Variants in SUGCT observed in about 807,000 individuals in gnomAD.
SUGCT encodes the protein succinyl-CoA:glutarate CoA-transferase.
A neutral mutation model predicts 55.0 loss-of-function variants in SUGCT; 41 were observed. That is an observed-to-expected ratio of 0.74 (90% CI 0.58 to 0.97). SUGCT has a LOEUF of 0.97. SUGCT is among the 50% of genes least tolerant of loss of function. The probability of loss-of-function intolerance (pLI) is 0.00; values close to 1 mark genes in which losing one functional copy is unlikely to be tolerated. For missense variants in SUGCT, 568 were observed against 547.8 expected (o/e 1.04, Z -0.37); for synonymous variants, 187 against 200.4 (o/e 0.93, Z 0.56).
the SUGCT span, among the ~76,000 whole-genome samples, chr7:40,958,929 G>A: frequency 6.6e-6 from 1 of 152,142 alleles, no homozygotes; most frequent in African/African-American, 2.4e-5. Flanking sequence ...CCCCTCTGCT[G>A]CAGGTCTGCT....
At chr7:40,436,896 C>G (rs1788206823) in intron 9 of SUGCT, among the ~76,000 whole-genome samples, 1 of 151,918 alleles carries the variant, frequency 6.6e-6, no homozygotes, top group Admixed American at 6.6e-5. Flanking sequence ...TCAATATGGT[C>G]TCTTGTCTAG....
intron 9 of SUGCT, among the ~76,000 whole-genome samples, chr7:40,320,739 C>T (rs1330541435): frequency 6.6e-6 from 1 of 151,752 alleles, no homozygotes; most frequent in African/African-American, 2.4e-5. Flanking sequence ...AATACACTCA[C>T]AAGGACAGGT....
At chr7:40,874,342 A>G in the SUGCT span, among the ~76,000 whole-genome samples, 12 of 152,232 alleles carry the variant, frequency 7.9e-5, no homozygotes, top group Admixed American at 7.2e-4. Context: ...CCTTTGAGAC[A>G]GTAGGGGCCT....
chr7:40,889,514 C>T, the SUGCT span, among the ~76,000 whole-genome samples: 4 of 152,266 alleles, frequency 2.6e-5, no homozygotes, highest in Admixed American at 2.6e-4. Context: ...GATCATGAGC[C>T]TTAGCTGTCT....
At chr7:40,317,429 A>C (rs988965317) in intron 9 of SUGCT, among the ~76,000 whole-genome samples, 1 of 152,198 alleles carries the variant, frequency 6.6e-6, no homozygotes, top group African/African-American at 2.4e-5. Context: ...TAAAATTTAA[A>C]ACAAAACCTA....
At chr7:40,333,363 G>A (rs1332822699) in intron 9 of SUGCT, among the ~76,000 whole-genome samples, 6 of 151,812 alleles carry the variant, frequency 4.0e-5, no homozygotes, top group Middle Eastern at 3.4e-3. Context: ...GTGGCCGGGC[G>A]TGGTGGCTCA....
intron 6 of SUGCT, among the ~76,000 whole-genome samples, chr7:40,220,028 G>A (rs555692790): frequency 1.6e-4 from 25 of 152,242 alleles, no homozygotes; most frequent in Admixed American, 1.6e-3. Context: ...GTACTGTTTT[G>A]ATTTGAGAAT....
chr7:40,305,183 C>A (rs10247300), intron 8 of SUGCT, among the ~76,000 whole-genome samples: 45,215 of 152,070 alleles, frequency 0.3, 7,065 homozygotes, highest in East Asian at 0.49. Flanking sequence ...TTTGTCACTT[C>A]AGTGGGCAGA....
chr7:40,851,161 A>C (rs1793831840), intron 13 of SUGCT, among the ~76,000 whole-genome samples: 3 of 152,170 alleles, frequency 2.0e-5, no homozygotes, highest in Non-Finnish European at 4.4e-5. Context: ...TCTAGAACCC[A>C]CAGTCTTAAC....
the SUGCT span, among the ~76,000 whole-genome samples, chr7:40,914,052 T>C: frequency 4.6e-3 from 683 of 149,384 alleles, 6 homozygotes; most frequent in African/African-American, 0.015. Context: ...TCAAGATTTT[T>C]TTTTTTTCAG....
chr7:40,186,303 G>C (rs1785506238), intron 3 of SUGCT, among the ~76,000 whole-genome samples: 1 of 143,802 alleles, frequency 7.0e-6, no homozygotes, highest in African/African-American at 2.6e-5. Flanking sequence ...CTGTCCCCTA[G>C]GCTGGAGTGC....
rs543043976 is a variant in SUGCT at position 40,293,105 on chromosome 7, T to A, written c.720+18449T>A. 5.3e-5 allele frequency among the ~76,000 whole-genome samples: 8 copies of A among 152,336 alleles called. No individual in the cohort carries two copies. The South Asian group carries it at 1.0e-3, about 20-fold the overall frequency. Reference sequence around the variant, plus strand: ...TTAAAAGTGTTGAAAACTTTTTTTTTAATTGTATGTAGTCATATTTGGTAA... The same window carrying A: ...TTAAAAGTGTTGAAAACTTTTTTTTAAATTGTATGTAGTCATATTTGGTAA... On this transcript the variant is annotated intron_variant, in intron 8 of 13. Transcript: ENST00000335693.
intron 6 of SUGCT, among the ~76,000 whole-genome samples, chr7:40,229,712 G>A: frequency 6.7e-6 from 1 of 150,310 alleles, no homozygotes; most frequent in African/African-American, 2.5e-5. Flanking sequence ...TACTCGGGAG[G>A]CTGAGGCAGG....
rs149769895 is a variant in SUGCT at position 40,414,050 on chromosome 7, A to G, written c.817-35237A>G. On this transcript the variant is annotated intron_variant, in intron 9 of 13. Coordinates refer to ENST00000335693, the MANE Select transcript of SUGCT (RefSeq NM_001193313.2). ...TATTTCTCTGTTATTTGCTATTACT[A>G]TAAATACTGCACTAAACATTATTTT... Among the ~76,000 whole-genome samples the G allele has an allele frequency of 1.3e-4, 20 of 152,254 alleles. No individual in the cohort carries two copies. In the South Asian group the frequency reaches 3.7e-3, roughly 28 times the overall value.
At chr7:40,497,182 A>G (rs1391855360) in intron 12 of SUGCT, among the ~76,000 whole-genome samples, 2 of 152,196 alleles carry the variant, frequency 1.3e-5, no homozygotes, top group South Asian at 2.1e-4. Context: ...GTCAGTTTCC[A>G]AAATTCAAAA....
At chr7:40,758,321 A>T (rs966164627) in intron 13 of SUGCT, among the ~76,000 whole-genome samples, 13 of 152,098 alleles carry the variant, frequency 8.5e-5, no homozygotes, top group Non-Finnish European at 1.9e-4. Flanking sequence ...GTCAAGAAGT[A>T]TTCTGATTAA....
chr7:40,838,666 C>T (rs1793119247), intron 13 of SUGCT, among the ~76,000 whole-genome samples: 1 of 152,044 alleles, frequency 6.6e-6, no homozygotes, highest in Non-Finnish European at 1.5e-5. Context: ...CTGAAGATTT[C>T]CTACATAGAC....
At position 40,434,800 on chromosome 7, in the gene SUGCT, T is replaced by C. The variant is rs1370345344; in HGVS notation, c.817-14487T>C. Among the ~76,000 whole-genome samples, 3 of 152,208 alleles carry C rather than the reference T, an allele frequency of 2.0e-5. No individual in the cohort carries two copies. The East Asian group carries it at 5.8e-4, about 29-fold the overall frequency. The stretch of plus-strand genomic sequence containing the variant: ...GTCCTGCCAGGTGCTTGTTGCCTGC[T>C]ACCTTTTCCATCATTTTTTTCAGTT... On this transcript the variant is annotated intron_variant, in intron 9 of 13. Coordinates refer to ENST00000335693, the MANE Select transcript of SUGCT (RefSeq NM_001193313.2).
At chr7:40,330,993 C>T (rs371446784) in intron 9 of SUGCT, among the ~76,000 whole-genome samples, 2 of 151,852 alleles carry the variant, frequency 1.3e-5, no homozygotes, top group African/African-American at 2.4e-5. Flanking sequence ...GACTTCCCTG[C>T]GCCACATTGA....
Sources: gnomAD v4.1 joint callset for allele counts (sites outside exome capture counted in the v4.1 genomes callset) on GRCh38, gnomAD v4.1.1 for gene constraint, MANE v1.5 for transcripts, NCBI Gene and HGNC (gene_info 2026-07-23, HGNC 2026-07-21) for gene names.